The following CYP4X1 variants were observed in gnomAD, a reference collection of about 807,000 sequenced individuals.
CYP4X1 encodes the protein cytochrome P450 4X1.
Under a neutral mutation model 57.9 loss-of-function variants are expected in CYP4X1, and 44 were observed. The observed-to-expected ratio is 0.76, with a 90% CI of 0.60 to 0.98. CYP4X1 has a LOEUF of 0.98. Ranked by LOEUF, CYP4X1 falls within the 50% of genes least tolerant of loss-of-function variation. The pLI, the probability that CYP4X1 is intolerant of heterozygous loss-of-function variation, is 0.00. For missense variants in CYP4X1, 532 were observed against 623.9 expected (o/e 0.85, Z 1.57); for synonymous variants, 227 against 228.6 (o/e 0.99, Z 0.06).
At position 47,050,153 on chromosome 1, in the gene CYP4X1, G is replaced by T; in HGVS notation, c.1509G>T (p.Leu503=). The T allele has an allele frequency of 6.2e-7, 1 of 1,613,856 alleles. No individual in the cohort carries two copies. The highest frequency in any genetic ancestry group is 1.1e-5 in the South Asian group (1 of 91,058). The part of the protein sequence containing the change: ...LKPKNGMYLH[L]KKLSEC ...CCAAGAATGGGATGTATTTGCACCT[G>T]AAGAAACTCTCTGAATGTTAGATCT... Residue 503 remains leucine, a synonymous_variant, in exon 12 of 12, where the codon CTG becomes CTT. Coordinates refer to ENST00000371901, the MANE Select transcript of CYP4X1 (RefSeq NM_178033.2).
At chr1:46,964,930 C>T in the CYP4X1 span, among the ~76,000 whole-genome samples, 5 of 152,172 alleles carry the variant, frequency 3.3e-5, no homozygotes, top group African/African-American at 7.2e-5. Flanking sequence ...ACTCAAGCCT[C>T]GGCAATGGTG....
chr1:46,991,112 T>A, the CYP4X1 span, among the ~76,000 whole-genome samples: 1 of 151,656 alleles, frequency 6.6e-6, no homozygotes, highest in Non-Finnish European at 1.5e-5. Flanking sequence ...CAGCACTGGA[T>A]TCACAGAAAT....
chr1:47,009,532 C>T, the CYP4X1 span, among the ~76,000 whole-genome samples: 3 of 152,088 alleles, frequency 2.0e-5, no homozygotes. Context: ...CGTTCAAAAG[C>T]TAGCAGAAGG....
intron 1 of CYP4X1, 46 bp downstream of exon 1, chr1:47,024,040 A>T: frequency 6.4e-7 from 1 of 1,567,914 alleles, no homozygotes; most frequent in Non-Finnish European, 8.7e-7. Flanking sequence ...GGGGCGGAGG[A>T]GGATGCGGCA....
intron 1 of CYP4X1, among the ~76,000 whole-genome samples, chr1:47,025,658 C>G (rs1426654697): frequency 6.6e-6 from 1 of 152,130 alleles, no homozygotes; most frequent in East Asian, 1.9e-4. Flanking sequence ...TTAACTTCTT[C>G]CTTTTCTAAT....
chr1:47,005,221 G>A, the CYP4X1 span, among the ~76,000 whole-genome samples: 6 of 152,310 alleles, frequency 3.9e-5, no homozygotes, highest in East Asian at 1.9e-4. Context: ...TTGCAATACT[G>A]TTTGGCCTCA....
the CYP4X1 span, among the ~76,000 whole-genome samples, chr1:47,011,006 C>T: frequency 6.6e-6 from 1 of 152,148 alleles, no homozygotes; most frequent in East Asian, 1.9e-4. Flanking sequence ...AGATTCAATG[C>T]CATCCCCATC....
chr1:47,020,152 G>C (rs1502909), upstream of CYP4X1, among the ~76,000 whole-genome samples: 53,005 of 152,040 alleles, frequency 0.35, 9,927 homozygotes, highest in East Asian at 0.74. Context: ...CCACAGTCCA[G>C]TTAGCTCAGG....
chr1:47,049,578 C>G, intron 11 of CYP4X1, 74 bp downstream of exon 11: 1 of 1,272,472 alleles, frequency 7.9e-7, no homozygotes. Flanking sequence ...TTCAGCTCCT[C>G]AGCTCTATAC....
At chr1:46,985,146 C>A in the CYP4X1 span, among the ~76,000 whole-genome samples, 5 of 152,152 alleles carry the variant, frequency 3.3e-5, no homozygotes, top group African/African-American at 4.8e-5. Context: ...TGTAGCCAGA[C>A]TGCCTCTCTA....
In CYP4X1 at chr1:47,048,566, G is replaced by A; in HGVS notation, c.1209G>A (p.Gly403=). The A allele has an allele frequency of 6.2e-7, 1 of 1,614,136 alleles. No individual in the cohort carries two copies. The highest frequency in any genetic ancestry group is 8.5e-7 in the Non-Finnish European group (1 of 1,179,998). ...TFPDGCTLPA[G]ITVVLSIWGL... ...TCTTTTATTTCCCTCCTTTCTTAGG[G>A]ATCACCGTGGTTCTTAGTATTTGGG... The change falls in exon 10 of 12, where the codon GGG becomes GGA. Residue 403 remains glycine (G), a splice_region_variant and synonymous_variant. Transcript: ENST00000371901.
Position 47,023,901 on chromosome 1 carries a change from G to A in CYP4X1, c.84G>A (p.Gln28=), listed in dbSNP as rs1188059265. The A allele has an allele frequency of 4.3e-6, 7 of 1,613,608 alleles. No homozygotes were observed. Among genetic ancestry groups the A allele is most frequent in the Non-Finnish European group, 5.1e-6 (6 of 1,180,012 alleles). ...FVFCLALGLL[Q]AIKLYLRRQR... is the part of the protein sequence containing the mutation. ...TCTGCCTGGCCCTGGGGCTGCTGCA[G>A]GCCATTAAGCTGTACCTGCGGAGGC... The change falls in exon 1 of 12, where the codon CAG becomes CAA. Residue 28 remains glutamine (Q), a synonymous_variant. Coordinates refer to ENST00000371901, the MANE Select transcript of CYP4X1 (RefSeq NM_178033.2).
At chr1:47,016,486 G>C in the CYP4X1 span, among the ~76,000 whole-genome samples, 7 of 151,934 alleles carry the variant, frequency 4.6e-5, no homozygotes, top group Non-Finnish European at 7.4e-5. Context: ...GGACTACAGG[G>C]GCCCACCACC....
the CYP4X1 span, among the ~76,000 whole-genome samples, chr1:46,998,762 G>T: frequency 1.2e-5 from 1 of 80,836 alleles, no homozygotes; most frequent in Non-Finnish European, 2.7e-5. Flanking sequence ...ATGGTGAGAA[G>T]TAGGAGTCCA....
At chr1:46,985,567 T>C in the CYP4X1 span, among the ~76,000 whole-genome samples, 2 of 152,286 alleles carry the variant, frequency 1.3e-5, no homozygotes, top group East Asian at 1.9e-4. Context: ...TGTCTCCTGA[T>C]TGGGAGACAT....
chr1:46,980,690 G>C, the CYP4X1 span, among the ~76,000 whole-genome samples: 5 of 152,132 alleles, frequency 3.3e-5, no homozygotes, highest in African/African-American at 1.2e-4. Context: ...TTAGCAAAAA[G>C]AACAAAGCTG....
the CYP4X1 span, among the ~76,000 whole-genome samples, chr1:47,004,668 T>C: frequency 6.6e-6 from 1 of 152,252 alleles, no homozygotes; most frequent in African/African-American, 2.4e-5. Flanking sequence ...CCTTGGAAAT[T>C]GAGGCCACCT....
chr1:47,024,900 T>C lies in CYP4X1; in HGVS notation c.177+906T>C, dbSNP rs76692053. 5.0e-3 allele frequency among the ~76,000 whole-genome samples: 760 copies of C among 152,328 alleles called. 13 individuals carry two copies. The highest frequency in any genetic ancestry group is 0.047 in the East Asian group (244 of 5,190). On this transcript the variant is annotated intron_variant, in intron 1 of 11. Coordinates refer to ENST00000371901, the MANE Select transcript of CYP4X1 (RefSeq NM_178033.2). ...TTTCCCCACTTTCTAGTCTTTCTTA[T>C]ATAAAGCAACCACTTTCAACTCTTT...
intron 9 of CYP4X1, 89 bp from the exon 10 acceptor site, chr1:47,048,476 C>T (rs1008127260): frequency 2.9e-6 from 4 of 1,378,958 alleles, no homozygotes; most frequent in Non-Finnish European, 4.1e-6. Flanking sequence ...CTAGCTCTTC[C>T]CTTCAAGAAC....
Sources: gnomAD v4.1 joint callset for allele counts (sites outside exome capture counted in the v4.1 genomes callset) on GRCh38, gnomAD v4.1.1 for gene constraint, MANE v1.5 for transcripts, NCBI Gene and HGNC (gene_info 2026-07-23, HGNC 2026-07-21) for gene names.